The following SORL1 variants were observed in gnomAD, a reference collection of about 807,000 sequenced individuals.
SORL1 encodes the protein sortilin-related receptor.
SORL1 carries 127 observed loss-of-function variants against 273.7 expected under a neutral mutation model. That is an observed-to-expected ratio of 0.46 (90% CI 0.40 to 0.54). The LOEUF is 0.54. Ranked by LOEUF, SORL1 falls within the 20% of genes least tolerant of loss-of-function variation. The pLI is 0.00. For missense variants in SORL1, 2,494 were observed against 2,846.1 expected (o/e 0.88, Z 2.81); for synonymous variants, 1,031 against 1,067.4 (o/e 0.97, Z 0.66).
At chr11:121,464,563 T>C (rs1398291249) in intron 1 of SORL1, among the ~76,000 whole-genome samples, 2 of 152,206 alleles carry the variant, frequency 1.3e-5, no homozygotes, top group Non-Finnish European at 2.9e-5. Flanking sequence ...TAGCAGGTCC[T>C]TCCCCTCACT....
At position 121,532,978 on chromosome 11, in the gene SORL1, C is replaced by T. The variant is rs139786025; in HGVS notation, c.1685+426C>T. Reference sequence around the variant, plus strand: ...GGATTACAGGTGTGAGCCACTGTGCCCACCCCGATTTAAACTCTTTATCTC... The same window carrying T: ...GGATTACAGGTGTGAGCCACTGTGCTCACCCCGATTTAAACTCTTTATCTC... On this transcript the variant is annotated intron_variant, in intron 12 of 47. Coordinates refer to ENST00000260197, the MANE Select transcript of SORL1 (RefSeq NM_003105.6). 1.3e-3 allele frequency among the ~76,000 whole-genome samples: 201 copies of T among 152,174 alleles called. 1 individual carries two copies. The highest frequency in any genetic ancestry group is 4.8e-3 in the African/African-American group (199 of 41,538).
intron 6 of SORL1, among the ~76,000 whole-genome samples, chr11:121,498,088 C>A (rs1861657803): frequency 6.6e-6 from 1 of 152,190 alleles, no homozygotes; most frequent in South Asian, 2.1e-4. Context: ...ACATACCTTG[C>A]AAAATGTTCT....
At chr11:121,580,475 T>G (rs1288402097) in intron 25 of SORL1, among the ~76,000 whole-genome samples, 1 of 152,140 alleles carries the variant, frequency 6.6e-6, no homozygotes, top group Non-Finnish European at 1.5e-5. Context: ...TATCTAGAAT[T>G]TCTGTTTGGT....
At chr11:121,611,379 C>G (rs975539387) in intron 39 of SORL1, 2 of 437,482 alleles carry the variant, frequency 4.6e-6, no homozygotes, top group African/African-American at 4.0e-5. Flanking sequence ...AGCCTGGTGC[C>G]TTTTTATCCT....
intron 18 of SORL1, among the ~76,000 whole-genome samples, chr11:121,555,760 CATT>C (rs1862571544): frequency 6.6e-6 from 1 of 152,148 alleles, no homozygotes; most frequent in Non-Finnish European, 1.5e-5. Context: ...TCATCATCAT[CATT>C]GCCACTGTTA....
rs1219941802 is a variant in SORL1 at position 121,577,807 on chromosome 11, G to A, written c.3580+407G>A. On this transcript the variant is annotated intron_variant, in intron 25 of 47. Coordinates refer to ENST00000260197, the MANE Select transcript of SORL1 (RefSeq NM_003105.6). ...GAAAATGTAAACTGTGTTTGTACCC[G>A]TTTTGGGTAAGATTTTATTAAAAGT... 3.9e-5 allele frequency among the ~76,000 whole-genome samples: 6 copies of A among 152,172 alleles called. No homozygotes were observed. The South Asian group carries it at 1.0e-3, about 26-fold the overall frequency.
At chr11:121,487,315 T>G (rs1333467938) in intron 3 of SORL1, among the ~76,000 whole-genome samples, 2 of 152,210 alleles carry the variant, frequency 1.3e-5, no homozygotes, top group Non-Finnish European at 2.9e-5. Context: ...TTAGGTTGAA[T>G]TGCCTGGATC....
intron 46 of SORL1, 77 bp downstream of exon 46, chr11:121,625,354 G>A: frequency 8.4e-7 from 1 of 1,193,188 alleles, no homozygotes; most frequent in Non-Finnish European, 1.2e-6. Flanking sequence ...TCATGACCAT[G>A]TGTCTTTCTA....
At chr11:121,488,286 C>T in intron 4 of SORL1, 93 bp downstream of exon 4, 1 of 1,222,588 alleles carries the variant, frequency 8.2e-7, no homozygotes, top group Non-Finnish European at 1.2e-6. Flanking sequence ...ACCTCGCCTC[C>T]TGCCTCTCCC....
chr11:121,476,774 CCCTCCCTCCCTTCCTTCCTCCCTT>C (rs1403897895), intron 2 of SORL1, among the ~76,000 whole-genome samples: 18 of 134,334 alleles, frequency 1.3e-4, no homozygotes, highest in Non-Finnish European at 2.3e-4. Flanking sequence ...CTCCCTCCCT[CCCTCCCTCCCTTCCTTCCTCCCTT>C]CCTCCCTCCC....
At chr11:121,593,069 C>T (rs549594919) in intron 31 of SORL1, among the ~76,000 whole-genome samples, 1 of 152,302 alleles carries the variant, frequency 6.6e-6, no homozygotes, top group East Asian at 1.9e-4. Context: ...CTCCCCCTTT[C>T]AGTTTTTCTT....
intron 16 of SORL1, among the ~76,000 whole-genome samples, chr11:121,551,564 G>A (rs775831031): frequency 6.6e-6 from 1 of 152,052 alleles, no homozygotes; most frequent in Non-Finnish European, 1.5e-5. Flanking sequence ...TTCCCTCTGT[G>A]CCCTCTTTCC....
intron 2 of SORL1, among the ~76,000 whole-genome samples, chr11:121,471,196 G>T (rs1021042085): frequency 3.3e-5 from 5 of 152,198 alleles, no homozygotes; most frequent in Admixed American, 3.3e-4. Context: ...TTTGGGGACC[G>T]GGAGAAGCAT....
rs376538974 is a variant in SORL1, at chr11:121,539,180, C to T, written c.1686-4368C>T. Among the ~76,000 whole-genome samples the T allele has an allele frequency of 6.9e-4, 105 of 152,284 alleles. 1 individual carries two copies. In the South Asian group the frequency reaches 0.02, roughly 29 times the overall value. On this transcript the variant is annotated intron_variant, in intron 12 of 47. Transcript: ENST00000260197. ...ACCATCAGTGAATTTTATCTGACTG[C>T]GTGGTCCACAAAGATCTTCATGAAA...
intron 41 of SORL1, among the ~76,000 whole-genome samples, chr11:121,616,031 C>T (rs906475187): frequency 1.3e-5 from 2 of 152,188 alleles, no homozygotes; most frequent in Non-Finnish European, 2.9e-5. Context: ...GCACCTGACG[C>T]TGAGGCAGGG....
At chr11:121,473,216 C>A (rs1861199447) in intron 2 of SORL1, among the ~76,000 whole-genome samples, 1 of 152,110 alleles carries the variant, frequency 6.6e-6, no homozygotes, top group Non-Finnish European at 1.5e-5. Context: ...CATCAGCAGT[C>A]CAGAAGGGAA....
Position 121,455,918 on chromosome 11 carries a change from C to T in SORL1, c.285+3302C>T, listed in dbSNP as rs185297173. Among the ~76,000 whole-genome samples the T allele has an allele frequency of 6.8e-3, 1,031 of 151,410 alleles. 8 individuals are homozygous for T. Among genetic ancestry groups the T allele is most frequent in the African/African-American group, 0.024 (985 of 41,200 alleles). ...TGAGGCAGGAGAATCGCTTGAACCC[C>T]GGAGGCGGAGGTTGCAGTGAGCCGA... On this transcript the variant is annotated intron_variant, in intron 1 of 47. Transcript: ENST00000260197.
chr11:121,535,831 A>T (rs1048145883), intron 12 of SORL1, among the ~76,000 whole-genome samples: 1 of 152,184 alleles, frequency 6.6e-6, no homozygotes, highest in African/African-American at 2.4e-5. Context: ...TGAGAGCAAG[A>T]AGTGGAACAC....
intron 6 of SORL1, among the ~76,000 whole-genome samples, chr11:121,504,965 T>C (rs1418095481): frequency 1.3e-5 from 2 of 152,172 alleles, no homozygotes; most frequent in Admixed American, 6.5e-5. Context: ...TTCTTTTTTT[T>C]CCTCCTTTAG....
Sources: gnomAD v4.1 joint callset for allele counts (sites outside exome capture counted in the v4.1 genomes callset) on GRCh38, gnomAD v4.1.1 for gene constraint, MANE v1.5 for transcripts, NCBI Gene and HGNC (gene_info 2026-07-23, HGNC 2026-07-21) for gene names.